MGA: variants seen among roughly 807,000 people sequenced by gnomAD.
The protein encoded by MGA is MAX dimerization protein MGA.
A neutral mutation model predicts 261.1 loss-of-function variants in MGA; 40 were observed. The observed-to-expected ratio is 0.15, with a 90% CI of 0.12 to 0.20. The LOEUF (loss-of-function observed/expected upper bound fraction) is 0.20. MGA is among the 10% of genes least tolerant of loss of function. MGA has a pLI of 1.00. For missense variants in MGA, 3,397 were observed against 3,630.5 expected (o/e 0.94, Z 1.65); for synonymous variants, 1,302 against 1,290.6 (o/e 1.01, Z -0.19).
At chr15:41,714,432 C>CA (rs999582880) in intron 9 of MGA, among the ~76,000 whole-genome samples, 1 of 152,196 alleles carries the variant, frequency 6.6e-6, no homozygotes, top group African/African-American at 2.4e-5. Context: ...ATTGCTGTGA[C>CA]AGTGTGTACA....
At chr15:41,751,503 C>T (rs1368958381) in intron 17 of MGA, 1 of 152,106 alleles carries the variant, frequency 6.6e-6, no homozygotes, top group Non-Finnish European at 1.5e-5. Context: ...GTGGGTGGAT[C>T]ACCTGACGTC....
chr15:41,761,299 A>G (rs367644613), intron 20 of MGA, among the ~76,000 whole-genome samples: 5 of 152,372 alleles, frequency 3.3e-5, no homozygotes, highest in African/African-American at 1.2e-4. Context: ...TTAATTTTGC[A>G]TGTAGAATAT....
chr15:41,696,042 C>CT (rs1384466804), intron 2 of MGA, 33 bp from the exon 3 acceptor site: 1 of 1,387,238 alleles, frequency 7.2e-7, no homozygotes, highest in Non-Finnish European at 9.8e-7. Context: ...TCATTTTGTA[C>CT]TTTTAAAATC....
chr15:41,708,566 G>A (rs1337714604), intron 7 of MGA, among the ~76,000 whole-genome samples: 1 of 152,098 alleles, frequency 6.6e-6, no homozygotes, highest in Non-Finnish European at 1.5e-5. Context: ...TGATCCGTCC[G>A]CCTCGGCCTC....
In MGA at chr15:41,766,542, T is replaced by A; in HGVS notation, c.8460T>A (p.Asp2820Glu). 1 of 1,613,974 alleles carries A rather than the reference T, an allele frequency of 6.2e-7. No individual in the cohort carries two copies. The highest frequency in any genetic ancestry group is 8.5e-7 in the Non-Finnish European group (1 of 1,179,884). The stretch of plus-strand genomic sequence containing the variant: ...ACATGGAAGATGAGGATGATACTGA[T>A]GAGACACTGACTTCACTGCTCAATG... The change falls in exon 24 of 24, where the codon GAT becomes GAA. Residue 2820 changes from aspartate to glutamate, a missense_variant. Physicochemically the swap from Asp to Glu is conservative, Grantham distance 45 (BLOSUM62 2). Around this residue, in one of 9 missense-constraint regions of MGA, gnomAD observed 647 missense variants for 642.4 expected, o/e 1.01. Coordinates refer to ENST00000219905, the MANE Select transcript of MGA (RefSeq NM_001164273.2).
rs2062730797 is a variant in MGA at position 41,749,767 on chromosome 15, A to C, written c.6160A>C (p.Thr2054Pro). 1 of 1,613,884 alleles carries C rather than the reference A, an allele frequency of 6.2e-7. No homozygotes were observed. The highest frequency in any genetic ancestry group is 8.5e-7 in the Non-Finnish European group (1 of 1,179,888). ...CAAACCATCTGAGCATTCCTGTATCACTGGGTCACATACAGATCAAGATTA... is the reference window on the plus strand; with the variant it reads ...CAAACCATCTGAGCATTCCTGTATCCCTGGGTCACATACAGATCAAGATTA... The change falls in exon 17 of 24, where the codon ACT (threonine) becomes CCT (proline). Residue 2054 changes from threonine to proline, a missense_variant. Transcript: ENST00000219905.
intron 9 of MGA, among the ~76,000 whole-genome samples, chr15:41,716,915 T>G (rs1437400347): frequency 6.6e-6 from 1 of 152,176 alleles, no homozygotes; most frequent in Non-Finnish European, 1.5e-5. Flanking sequence ...CTTAAAAATT[T>G]TTTTGTAATG....
At chr15:41,625,045 A>T (rs1260482615) in intron 1 of MGA, among the ~76,000 whole-genome samples, 1 of 152,030 alleles carries the variant, frequency 6.6e-6, no homozygotes, top group African/African-American at 2.4e-5. Flanking sequence ...CAGGAGGCTG[A>T]GATGGGAAGA....
chr15:41,760,251 G>C, intron 19 of MGA, 72 bp from the exon 20 acceptor site: 2 of 1,425,046 alleles, frequency 1.4e-6, no homozygotes, highest in Non-Finnish European at 2.0e-6. Flanking sequence ...AAATAGGGCA[G>C]TGTCATTTGA....
rs1210745331 is a variant in MGA, at chr15:41,736,601, G to C, written c.4337G>C (p.Gly1446Ala). 2 of 1,613,908 alleles carry C rather than the reference G, an allele frequency of 1.2e-6. No homozygotes were observed. The highest frequency in any genetic ancestry group is 2.7e-5 in the African/African-American group (2 of 74,926). Residue 1446 changes from glycine to alanine, a missense_variant, in exon 13 of 24, where the codon GGA (glycine) becomes GCA (alanine). By Grantham distance (60) the Gly-to-Ala change is moderately conservative (BLOSUM62 0). Transcript: ENST00000219905. ...GATTCAGTGAGGGAGAGATTACATG[G>C]AGGCAAAGGTCTGCCTTTTTATGCA...
At chr15:41,657,632 A>G (rs886864386), upstream of MGA, among the ~76,000 whole-genome samples, 2 of 151,908 alleles carry the variant, frequency 1.3e-5, no homozygotes, top group African/African-American at 4.8e-5. Context: ...CTAGGATTAC[A>G]GGACTGAGCC....
intron 3 of MGA, 140 bp from the exon 4 acceptor site, chr15:41,698,723 C>T: frequency 1.7e-6 from 1 of 599,120 alleles, no homozygotes; most frequent in East Asian, 2.9e-5. Context: ...GAAAAAATTG[C>T]TCCTGTTCTG....
intron 1 of MGA, among the ~76,000 whole-genome samples, chr15:41,627,749 G>A (rs1049785280): frequency 1.1e-4 from 16 of 152,160 alleles, no homozygotes; most frequent in Non-Finnish European, 2.4e-4. Flanking sequence ...TTGCCTGAAG[G>A]GCTAATTGTA....
chr15:41,680,877 C>T (rs920209760), intron 2 of MGA, among the ~76,000 whole-genome samples: 2 of 152,106 alleles, frequency 1.3e-5, no homozygotes, highest in Admixed American at 1.3e-4. Context: ...GTTCTTTTCC[C>T]CACCCTAGAG....
intron 2 of MGA, among the ~76,000 whole-genome samples, chr15:41,693,246 G>T (rs978461064): frequency 6.6e-6 from 1 of 151,726 alleles, no homozygotes; most frequent in African/African-American, 2.4e-5. Context: ...CCATGCTGGT[G>T]CACTGCACCC....
intron 17 of MGA, among the ~76,000 whole-genome samples, chr15:41,752,836 G>A (rs1280367958): frequency 6.6e-6 from 1 of 152,144 alleles, no homozygotes; most frequent in Non-Finnish European, 1.5e-5. Context: ...TGGGATTACA[G>A]GCATGAGCAA....
chr15:41,664,104 A>G (rs1426205845), intron 1 of MGA, among the ~76,000 whole-genome samples: 3 of 152,214 alleles, frequency 2.0e-5, no homozygotes, highest in African/African-American at 4.8e-5. Flanking sequence ...ATTTTCATCA[A>G]CTAATGGATT....
At chr15:41,663,863 CTTAA>C (rs1371592422) in intron 1 of MGA, among the ~76,000 whole-genome samples, 3 of 152,038 alleles carry the variant, frequency 2.0e-5, no homozygotes, top group Non-Finnish European at 4.4e-5. Flanking sequence ...GCTGAATATC[CTTAA>C]TTGACTGCCC....
Position 41,743,112 on chromosome 15 carries a change from G to T in MGA, c.5152G>T (p.Gly1718Cys). The change falls in exon 15 of 24, where the codon GGC becomes TGC. Residue 1718 changes from glycine (G) to cysteine (C), a missense_variant. Physicochemically the swap from Gly to Cys is radical, Grantham distance 159. This residue lies in a region of MGA where 1,410 missense variants were observed against 1,386.4 expected (regional missense o/e 1.02). Transcript: ENST00000219905. The stretch of plus-strand genomic sequence containing the variant: ...GGTGACCACACCAACTTCATCTCTG[G>T]GCTCTGTTCCTATTATACTCTCAGG... The T allele has an allele frequency of 6.2e-7, 1 of 1,613,640 alleles. No individual in the cohort carries two copies. Among genetic ancestry groups the T allele is most frequent in the Non-Finnish European group, 8.5e-7 (1 of 1,179,740 alleles).
Sources: allele counts gnomAD v4.1 joint callset (sites outside exome capture counted in the v4.1 genomes callset), GRCh38; gene constraint gnomAD v4.1.1; regional missense constraint gnomAD v4.1.1; transcripts MANE v1.5; gene names NCBI Gene and HGNC (gene_info 2026-07-23, HGNC 2026-07-21).